Variants in THNSL1 observed in about 807,000 individuals in gnomAD.
THNSL1 encodes threonine synthase-like 1.
THNSL1 carries 48 observed loss-of-function variants against 50.4 expected under a neutral mutation model. The ratio of observed to expected loss-of-function variants is 0.95; its 90% CI spans 0.76 to 1.21. The LOEUF is 1.21. Ranked by LOEUF, THNSL1 falls within the 50% of genes most tolerant of loss-of-function variation. The pLI is 0.00. For missense variants in THNSL1, 896 were observed against 871.7 expected (o/e 1.03, Z -0.35); for synonymous variants, 309 against 306.1 (o/e 1.01, Z -0.10).
intron 2 of THNSL1, among the ~76,000 whole-genome samples, chr10:25,022,336 G>T (rs940287020): frequency 6.6e-6 from 1 of 152,146 alleles, no homozygotes; most frequent in Non-Finnish European, 1.5e-5. Context: ...CCTGGGGTCT[G>T]GAAATTGAGT....
intron 1 of THNSL1, among the ~76,000 whole-genome samples, chr10:25,017,259 T>C (rs947075602): frequency 3.9e-5 from 6 of 152,222 alleles, no homozygotes; most frequent in Non-Finnish European, 8.8e-5. Flanking sequence ...TTTTATTCCT[T>C]TTTGTTCCAC....
upstream of THNSL1, among the ~76,000 whole-genome samples, chr10:25,015,707 G>A (rs1266337726): frequency 6.6e-6 from 1 of 152,072 alleles, no homozygotes; most frequent in Non-Finnish European, 1.5e-5. Flanking sequence ...TAGATATTTC[G>A]ACCTTTTCTC....
At chr10:24,980,537 C>A in the THNSL1 span, among the ~76,000 whole-genome samples, 1 of 152,134 alleles carries the variant, frequency 6.6e-6, no homozygotes, top group Admixed American at 6.6e-5. Flanking sequence ...GTCTTCCCAA[C>A]ATAGCTGTTT....
chr10:25,014,844 C>G (rs1850529205), upstream of THNSL1, among the ~76,000 whole-genome samples: 1 of 152,274 alleles, frequency 6.6e-6, no homozygotes, highest in African/African-American at 2.4e-5. Flanking sequence ...GAAGAAGCTG[C>G]CTACTTGTTG....
At chr10:25,020,280 A>ATATCTATATCTATATCTATATC (rs1231085900) in intron 1 of THNSL1, among the ~76,000 whole-genome samples, 1 of 82,360 alleles carries the variant, frequency 1.2e-5, no homozygotes, top group African/African-American at 4.7e-5. Flanking sequence ...ATATCTATAT[A>ATATCTATATCTATATCTATATC]TATCTACCCC....
upstream of THNSL1, chr10:25,015,797 CTTAA>C (rs1850555572): frequency 9.2e-6 from 13 of 1,415,332 alleles, no homozygotes; most frequent in Non-Finnish European, 1.2e-5. Context: ...TATATGTATG[CTTAA>C]TTAATACTGA....
the THNSL1 span, among the ~76,000 whole-genome samples, chr10:24,998,568 G>A: frequency 2.6e-5 from 4 of 151,480 alleles, no homozygotes; most frequent in African/African-American, 7.3e-5. Flanking sequence ...TTTTTTGTAC[G>A]GACGGGGTCT....
chr10:24,992,098 G>C, the THNSL1 span, among the ~76,000 whole-genome samples: 1 of 152,308 alleles, frequency 6.6e-6, no homozygotes, highest in East Asian at 1.9e-4. Context: ...AAATGCGTTT[G>C]ATTTCACCAT....
chr10:25,024,486 T>G lies in THNSL1; in HGVS notation c.1263T>G (p.Ile421Met). The G allele has an allele frequency of 6.2e-7, 1 of 1,614,184 alleles. No homozygotes were observed. Among genetic ancestry groups the G allele is most frequent in the African/African-American group, 1.3e-5 (1 of 75,060 alleles). ...GVSDFQKAQI[I>M]GSQRENGWAV... Reference sequence around the variant, plus strand: ...GTGATTTTCAAAAAGCACAAATAATTGGCAGTCAGAGAGAAAATGGATGGG... The same window carrying G: ...GTGATTTTCAAAAAGCACAAATAATGGGCAGTCAGAGAGAAAATGGATGGG... The change falls in exon 3 of 3, where the codon ATT (isoleucine) becomes ATG (methionine). Residue 421 changes from isoleucine to methionine, a missense_variant. Transcript: ENST00000376356.
At chr10:25,021,340 A>G (rs886820215) in intron 1 of THNSL1, among the ~76,000 whole-genome samples, 58 of 152,346 alleles carry the variant, frequency 3.8e-4, no homozygotes, top group African/African-American at 1.3e-3. Flanking sequence ...ATGAATATAT[A>G]GTGATTTTGA....
the THNSL1 span, among the ~76,000 whole-genome samples, chr10:24,971,141 C>T: frequency 2.6e-5 from 4 of 151,956 alleles, no homozygotes; most frequent in Non-Finnish European, 5.9e-5. Flanking sequence ...GCTTTGTCAC[C>T]AAGGCTAAAG....
chr10:25,010,579 T>A, the THNSL1 span, among the ~76,000 whole-genome samples: 46 of 151,698 alleles, frequency 3.0e-4, 1 homozygote, highest in African/African-American at 1.1e-3. Context: ...TATCTCCTAA[T>A]GCTATCCCTC....
the THNSL1 span, among the ~76,000 whole-genome samples, chr10:25,003,424 C>G: frequency 6.6e-6 from 1 of 152,308 alleles, no homozygotes; most frequent in East Asian, 1.9e-4. Context: ...CCAGGCTGGT[C>G]TGGAAATCCT....
rs776527828 is a variant in THNSL1 at position 25,024,489 on chromosome 10, C to A, written c.1266C>A (p.Gly422=). The A allele has an allele frequency of 3.7e-6, 6 of 1,614,150 alleles. No homozygotes were observed. The highest frequency in any genetic ancestry group is 1.1e-5 in the South Asian group (1 of 91,086). Residue 422 remains glycine, a synonymous_variant, in exon 3 of 3, where the codon GGC becomes GGA. Transcript: ENST00000376356. ...VSDFQKAQII[G]SQRENGWAVG... The stretch of plus-strand genomic sequence containing the variant: ...ATTTTCAAAAAGCACAAATAATTGG[C>A]AGTCAGAGAGAAAATGGATGGGCAG...
At chr10:25,008,945 T>C in the THNSL1 span, among the ~76,000 whole-genome samples, 243 of 151,888 alleles carry the variant, frequency 1.6e-3, 1 homozygote, top group African/African-American at 3.5e-3. Flanking sequence ...GATGAGTTCA[T>C]GTCCTTTGTA....
At chr10:24,965,617 G>A in the THNSL1 span, among the ~76,000 whole-genome samples, 1 of 152,196 alleles carries the variant, frequency 6.6e-6, no homozygotes, top group Non-Finnish European at 1.5e-5. Context: ...TTGAGTGGAA[G>A]GAATATTGGC....
chr10:24,991,035 G>T, the THNSL1 span, among the ~76,000 whole-genome samples: 26 of 152,192 alleles, frequency 1.7e-4, no homozygotes, highest in Non-Finnish European at 3.2e-4. Flanking sequence ...GGGAGGCAGA[G>T]GTTACAGTGA....
the THNSL1 span, among the ~76,000 whole-genome samples, chr10:24,997,631 C>A: frequency 6.6e-6 from 1 of 151,974 alleles, no homozygotes; most frequent in East Asian, 1.9e-4. Flanking sequence ...TAAAGCAGTC[C>A]TCCTGTCTTG....
rs139687729 is a variant in THNSL1 at position 25,024,745 on chromosome 10, A to C, written c.1522A>C (p.Thr508Pro). ...AAGCCCAGTCGATGTCTGTATTCCC[A>C]CAGGAAACTTTGGTAACATTTTAGC... ...FGSPVDVCIP[T>P]GNFGNILAAV... is the part of the protein sequence containing the mutation. The change falls in exon 3 of 3, where the codon ACA becomes CCA. Residue 508 changes from threonine to proline, a missense_variant. By Grantham distance (38) the Thr-to-Pro change is conservative. Coordinates refer to ENST00000376356, the MANE Select transcript of THNSL1 (RefSeq NM_024838.5). 1.9e-6 allele frequency: 3 copies of C among 1,614,180 alleles called. No homozygotes were observed. Among genetic ancestry groups the C allele is most frequent in the Non-Finnish European group, 2.5e-6 (3 of 1,180,022 alleles).
Sources: gnomAD v4.1 joint callset for allele counts (sites outside exome capture counted in the v4.1 genomes callset) on GRCh38, gnomAD v4.1.1 for gene constraint, MANE v1.5 for transcripts, NCBI Gene and HGNC (gene_info 2026-07-23, HGNC 2026-07-21) for gene names.